The following ATF2 variants were observed in gnomAD, a reference collection of about 807,000 sequenced individuals.
The protein encoded by ATF2 is cyclic AMP-dependent transcription factor ATF-2.
In ATF2, 24 loss-of-function variants were observed where a neutral mutation model predicts 60.6. The observed-to-expected ratio is 0.40, with a 90% CI of 0.29 to 0.56. The LOEUF (loss-of-function observed/expected upper bound fraction) is 0.56. Among genes scored for constraint, ATF2 ranks in the 20% least tolerant of loss-of-function variants. The pLI, the probability that ATF2 is intolerant of heterozygous loss-of-function variation, is 0.54. For missense variants in ATF2, 433 were observed against 607.7 expected, an observed-to-expected ratio of 0.71 and a Z score of 3.02; for synonymous variants, 206 against 215.4, an observed-to-expected ratio of 0.96 and a Z score of 0.38.
At chr2:175,109,168 TAAAA>T (rs66812318) in intron 10 of ATF2, among the ~76,000 whole-genome samples, 21 of 82,602 alleles carry the variant, frequency 2.5e-4, no homozygotes, top group African/African-American at 9.2e-4. Flanking sequence ...GAATGATCAA[TAAAA>T]AAAAAAAAAA....
At chr2:175,083,128 C>A (rs1291769004) in intron 12 of ATF2, among the ~76,000 whole-genome samples, 1 of 151,610 alleles carries the variant, frequency 6.6e-6, no homozygotes, top group East Asian at 1.9e-4. Context: ...ACTTTCTTCA[C>A]AGAATTGGAA....
chr2:175,138,518 A>G (rs1441464238), intron 2 of ATF2, among the ~76,000 whole-genome samples: 1 of 152,232 alleles, frequency 6.6e-6, no homozygotes, highest in Non-Finnish European at 1.5e-5. Flanking sequence ...ATACAAATTT[A>G]GCTATCATTT....
At chr2:175,100,320 A>C (rs1371180333) in intron 10 of ATF2, among the ~76,000 whole-genome samples, 2 of 152,238 alleles carry the variant, frequency 1.3e-5, no homozygotes, top group Non-Finnish European at 2.9e-5. Flanking sequence ...TCTTTTAAGA[A>C]TACTACTGAG....
chr2:175,161,519 A>T (rs1339800428), intron 1 of ATF2, among the ~76,000 whole-genome samples: 1 of 152,226 alleles, frequency 6.6e-6, no homozygotes. Context: ...TTTACTCAAG[A>T]TAACACAGTA....
rs1314085797 is a variant in ATF2 at position 175,163,277 on chromosome 2, C to T, written c.-143+4773G>A. On this transcript the variant is annotated intron_variant, in intron 1 of 13. Transcript: ENST00000264110. ...AAAAAAATTAGAATGACAAAGGTTT[C>T]GGTTCTGCTAGCAAACTAAAGAATA... Among the ~76,000 whole-genome samples the T allele has an allele frequency of 2.6e-5, 4 of 152,076 alleles. No individual in the cohort carries two copies. In the South Asian group the frequency reaches 6.2e-4, roughly 24 times the overall value.
At position 175,121,753 on chromosome 2, in the gene ATF2, A is replaced by T. The variant is rs202057483; in HGVS notation, c.103-213T>A. On this transcript the variant is annotated intron_variant, in intron 4 of 13. Transcript: ENST00000264110. ...TATTACTCAAGAATAAGCAATACTG[A>T]TATATTGCTAGGTCACATAACTCAT... Among the ~76,000 whole-genome samples the T allele has an allele frequency of 2.1e-4, 32 of 151,652 alleles. 1 individual carries two copies. In the East Asian group the frequency reaches 5.6e-3, roughly 27 times the overall value.
intron 13 of ATF2, among the ~76,000 whole-genome samples, chr2:175,077,773 T>TACATACACATATAA (rs1693443964): frequency 6.6e-6 from 1 of 152,166 alleles, no homozygotes; most frequent in Non-Finnish European, 1.5e-5. Context: ...ACACATCAAA[T>TACATACACATATAA]ACCTTTACAA....
chr2:175,115,359 TA>T (rs942202140), intron 7 of ATF2, among the ~76,000 whole-genome samples: 4 of 152,116 alleles, frequency 2.6e-5, no homozygotes, highest in African/African-American at 9.7e-5. Flanking sequence ...TAATTCCAGT[TA>T]GCTACCTCTT....
intron 1 of ATF2, among the ~76,000 whole-genome samples, chr2:175,156,377 C>CA (rs57399474): frequency 0.038 from 2,134 of 56,026 alleles, 83 homozygotes; most frequent in Non-Finnish European, 0.053. Flanking sequence ...TCTCAAAAAA[C>CA]AAAAAAAAAA....
At chr2:175,107,727 G>A (rs1402416868) in intron 10 of ATF2, among the ~76,000 whole-genome samples, 1 of 152,210 alleles carries the variant, frequency 6.6e-6, no homozygotes, top group Non-Finnish European at 1.5e-5. Flanking sequence ...CGCCACGCCT[G>A]ACTGGTTTTC....
At chr2:175,097,224 C>T (rs1156896880) in intron 11 of ATF2, among the ~76,000 whole-genome samples, 2 of 152,074 alleles carry the variant, frequency 1.3e-5, no homozygotes, top group African/African-American at 4.8e-5. Flanking sequence ...ATATGGACAC[C>T]CACAGAAATA....
At chr2:175,105,820 A>G (rs1695616986) in intron 10 of ATF2, among the ~76,000 whole-genome samples, 1 of 152,222 alleles carries the variant, frequency 6.6e-6, no homozygotes, top group African/African-American at 2.4e-5. Flanking sequence ...TAATTAAAAT[A>G]TAAATCAATA....
intron 12 of ATF2, among the ~76,000 whole-genome samples, chr2:175,084,892 T>A (rs1165579865): frequency 6.6e-6 from 1 of 152,250 alleles, no homozygotes; most frequent in East Asian, 1.9e-4. Flanking sequence ...ATGGACTGAG[T>A]AGACAGACAT....
At chr2:175,155,670 T>C (rs1156485402) in intron 1 of ATF2, among the ~76,000 whole-genome samples, 1 of 152,118 alleles carries the variant, frequency 6.6e-6, no homozygotes, top group Non-Finnish European at 1.5e-5. Flanking sequence ...TTTTAAAACA[T>C]TAAAATACAT....
chr2:175,152,351 C>A (rs1699365087), intron 1 of ATF2, among the ~76,000 whole-genome samples: 1 of 152,066 alleles, frequency 6.6e-6, no homozygotes, highest in African/African-American at 2.4e-5. Flanking sequence ...AAAGAAACAA[C>A]CTAAATTGTT....
chr2:175,118,671 A>G (rs1398502977), intron 5 of ATF2, among the ~76,000 whole-genome samples: 2 of 151,740 alleles, frequency 1.3e-5, no homozygotes, highest in African/African-American at 2.4e-5. Flanking sequence ...AACTATTATT[A>G]TCTAACACAG....
At chr2:175,107,692 A>G (rs1322520535) in intron 10 of ATF2, among the ~76,000 whole-genome samples, 1 of 152,134 alleles carries the variant, frequency 6.6e-6, no homozygotes, top group African/African-American at 2.4e-5. Context: ...CAGCAGGCCG[A>G]GTGCCTGCGA....
At chr2:175,093,356 ACTGTATT>A (rs1694687970) in intron 11 of ATF2, 89 bp from the exon 12 acceptor site, 5 of 1,311,458 alleles carry the variant, frequency 3.8e-6, no homozygotes, top group Admixed American at 4.5e-5. Context: ...GGGGAGAGCA[ACTGTATT>A]TTCTAAGTCT....
chr2:175,100,947 T>C (rs953067457), intron 10 of ATF2, among the ~76,000 whole-genome samples: 2 of 152,214 alleles, frequency 1.3e-5, no homozygotes, highest in African/African-American at 4.8e-5. Flanking sequence ...GAGTGTACCC[T>C]TTCTGCAGAA....
Sources: gnomAD v4.1 joint callset for allele counts (sites outside exome capture counted in the v4.1 genomes callset) on GRCh38, gnomAD v4.1.1 for gene constraint, MANE v1.5 for transcripts, NCBI Gene and HGNC (gene_info 2026-07-23, HGNC 2026-07-21) for gene names.